The following XPO5 variants were observed in gnomAD, a reference collection of about 807,000 sequenced individuals.
XPO5 encodes the protein exportin-5.
A neutral mutation model predicts 160.6 loss-of-function variants in XPO5; 46 were observed. That is an observed-to-expected ratio of 0.29 (90% CI 0.23 to 0.37). The LOEUF is 0.37. Ranked by LOEUF, XPO5 falls within the 10% of genes least tolerant of loss-of-function variation. XPO5 has a pLI of 1.00. For synonymous variants in XPO5, 537 were observed against 519.3 expected (o/e 1.03, Z -0.46); for missense variants, 1,090 against 1,463.9 (o/e 0.74, Z 4.17).
intron 20 of XPO5, among the ~76,000 whole-genome samples, chr6:43,538,595 T>C (rs1208438590): frequency 6.6e-6 from 1 of 152,182 alleles, no homozygotes; most frequent in African/African-American, 2.4e-5. Flanking sequence ...ACAATGGAAA[T>C]GTGGTTATAT....
In XPO5 at chr6:43,549,920, G is replaced by A; in HGVS notation, c.1743C>T (p.Val581=). The A allele has an allele frequency of 1.2e-6, 2 of 1,612,242 alleles. No homozygotes were observed. The highest frequency in any genetic ancestry group is 1.3e-5 in the African/African-American group (1 of 75,018). Reference sequence around the variant, plus strand: ...TACTTTCTTCAACAGTTTCAAAAGTGACAGATGAAAATAGCTAAGGGAGAG... The same window carrying A: ...TACTTTCTTCAACAGTTTCAAAAGTAACAGATGAAAATAGCTAAGGGAGAG... ...PQVFSKLFSS[V]TFETVEESKA... Residue 581 remains valine (V), a synonymous_variant, in exon 16 of 32, where the codon GTC becomes GTT. Coordinates refer to ENST00000265351, the MANE Select transcript of XPO5 (RefSeq NM_020750.3).
intron 28 of XPO5, chr6:43,525,503 G>T: frequency 2.0e-6 from 1 of 498,296 alleles, no homozygotes; most frequent in East Asian, 3.4e-5. Flanking sequence ...CTATTTTTGT[G>T]TATTGCCAGT....
chr6:43,536,391 C>A (rs940238725), intron 20 of XPO5, among the ~76,000 whole-genome samples: 1 of 142,334 alleles, frequency 7.0e-6, no homozygotes, highest in Non-Finnish European at 1.5e-5. Flanking sequence ...CTCCAGCCTG[C>A]GCAACACAGT....
chr6:43,562,125 T>C, intron 9 of XPO5, 122 bp downstream of exon 9: 1 of 639,308 alleles, frequency 1.6e-6, no homozygotes, highest in Non-Finnish European at 2.7e-6. Context: ...TGCAATAACT[T>C]GTATGGCACT....
rs768175368 is a variant in XPO5, at chr6:43,561,038, T to C, written c.1012-31A>G. 4 of 1,554,778 alleles carry C rather than the reference T, an allele frequency of 2.6e-6. 1 individual carries two copies. The highest frequency in any genetic ancestry group is 1.1e-5 in the South Asian group (1 of 89,148). On this transcript the variant is annotated intron_variant, in intron 9 of 31. Coordinates refer to ENST00000265351, the MANE Select transcript of XPO5 (RefSeq NM_020750.3). ...GGAGAAGACCACTATATTAACGGTG[T>C]TGATCGAGAAAAGCAGGAGAGGAAA...
rs1793725106 is a variant in XPO5, at chr6:43,528,280, A to G, written c.2776-75T>C. ...ACACATAATATCTAAAGTCAAGTCCACTTCATGATTAAAATTAGCCAAGGA... is the reference window on the plus strand; with the variant it reads ...ACACATAATATCTAAAGTCAAGTCCGCTTCATGATTAAAATTAGCCAAGGA... On this transcript the variant is annotated intron_variant, in intron 24 of 31. Transcript: ENST00000265351. 7 of 1,441,776 alleles carry G rather than the reference A, an allele frequency of 4.9e-6. No individual in the cohort carries two copies. The South Asian group carries it at 7.4e-5, about 15-fold the overall frequency. 89.3% of individuals were successfully genotyped at this position (1,441,776 alleles called of 1,614,324 possible). A position where few individuals can be genotyped will look rare whatever the true frequency, so the allele number is the denominator to read the frequency against.
At chr6:43,572,659 T>G (rs1459342990) in intron 2 of XPO5, 81 bp from the exon 3 acceptor site, 2 of 1,347,936 alleles carry the variant, frequency 1.5e-6, no homozygotes, top group African/African-American at 1.5e-5. Flanking sequence ...ATTTCTACAT[T>G]TGATTACACT....
rs564515094 is a variant in XPO5 at position 43,523,585 on chromosome 6, C to G, written c.*283G>C. 1 of 614,200 alleles carries G rather than the reference C, an allele frequency of 1.6e-6. No individual in the cohort carries two copies. Among genetic ancestry groups the G allele is most frequent in the Non-Finnish European group, 3.1e-6 (1 of 320,108 alleles). 38.0% of individuals were successfully genotyped at this position (614,200 alleles called of 1,614,324 possible). A position where few individuals can be genotyped will look rare whatever the true frequency, so the allele number is the denominator to read the frequency against. ...GAGGGCTTGTGGGAGAAGGGCTGCT[C>G]TGCTCTAGCTTTTCTTGGAAAAGCC... is the stretch of plus-strand genomic sequence containing the variant. On this transcript the variant is annotated 3_prime_UTR_variant, in exon 32 of 32. Transcript: ENST00000265351.
chr6:43,553,139 A>G (rs547235205), intron 14 of XPO5, among the ~76,000 whole-genome samples: 11 of 152,102 alleles, frequency 7.2e-5, no homozygotes, highest in African/African-American at 2.2e-4. Context: ...CACAGACTCC[A>G]TTTTTATTAT....
chr6:43,524,316 C>T (rs1793398293), intron 31 of XPO5, among the ~76,000 whole-genome samples, 155 bp downstream of exon 31: 1 of 149,188 alleles, frequency 6.7e-6, no homozygotes, highest in Non-Finnish European at 1.5e-5. Flanking sequence ...CGTACCACTG[C>T]ACTCCAGCCT....
chr6:43,571,067 A>G (rs921307068), intron 3 of XPO5, 73 bp from the exon 4 acceptor site: 16 of 1,497,968 alleles, frequency 1.1e-5, no homozygotes, highest in Non-Finnish European at 1.3e-5. Flanking sequence ...GCTGGGCTGT[A>G]GAGTTGTAAA....
In XPO5 at chr6:43,522,460, A is replaced by G. The variant is rs144128030; in HGVS notation, c.*1408T>C. The G allele has an allele frequency of 1.9e-3, 318 of 164,278 alleles. 2 individuals are homozygous for G. Among genetic ancestry groups the G allele is most frequent in the African/African-American group, 6.8e-3 (285 of 42,096 alleles). The allele number at this position is 164,278 out of a possible 1,614,324, so 10.2% of individuals were successfully genotyped here. On this transcript the variant is annotated 3_prime_UTR_variant, in exon 32 of 32. Transcript: ENST00000265351. ...GTCACAGGATGTTAAAAATATTACAATGCAATAAATACAACTACATCCTCC... is the reference window on the plus strand; with the variant it reads ...GTCACAGGATGTTAAAAATATTACAGTGCAATAAATACAACTACATCCTCC...
At position 43,575,876 on chromosome 6, in the gene XPO5, C is replaced by A. The variant is rs373023684; in HGVS notation, c.-12G>T. On this transcript the variant is annotated 5_prime_UTR_variant, in exon 1 of 32. Coordinates refer to ENST00000265351, the MANE Select transcript of XPO5 (RefSeq NM_020750.3). ...TGATCCATCGCCATGCCTAGCGCCA[C>A]GCGCCGAGAGCGCACACCACTGCAG... The A allele has an allele frequency of 6.2e-7, 1 of 1,613,038 alleles. No homozygotes were observed. The highest frequency in any genetic ancestry group is 8.5e-7 in the Non-Finnish European group (1 of 1,179,490).
chr6:43,573,539 C>A lies in XPO5; in HGVS notation c.168G>T (p.Glu56Asp), dbSNP rs780602356. 2 of 1,613,828 alleles carry A rather than the reference C, an allele frequency of 1.2e-6. No individual in the cohort carries two copies. The highest frequency in any genetic ancestry group is 2.2e-5 in the South Asian group (2 of 91,078). Reference sequence around the variant, plus strand: ...GTCTGACGATGGCAACTTGTGTTTTCTCAGCCAACCTCAAGCCACAGGGGA... The same window carrying A: ...GTCTGACGATGGCAACTTGTGTTTTATCAGCCAACCTCAAGCCACAGGGGA... ...ICVPCGLRLA[E>D]KTQVAIVRHF... Residue 56 changes from glutamate to aspartate, a missense_variant, in exon 2 of 32, where the codon GAG becomes GAT. Glu to Asp is a conservative substitution (Grantham distance 45). Around this residue, in one of 3 missense-constraint regions of XPO5, gnomAD observed 170 missense variants for 227.0 expected, o/e 0.75. Coordinates refer to ENST00000265351, the MANE Select transcript of XPO5 (RefSeq NM_020750.3).
intron 12 of XPO5, among the ~76,000 whole-genome samples, 181 bp downstream of exon 12, chr6:43,558,320 A>C (rs1482419363): frequency 6.6e-6 from 1 of 152,120 alleles, no homozygotes; most frequent in Non-Finnish European, 1.5e-5. Flanking sequence ...GTAAAACAAA[A>C]TATTATGCCT....
intron 26 of XPO5, chr6:43,527,185 T>C (rs543192658): frequency 1.2e-4 from 25 of 210,998 alleles, no homozygotes; most frequent in Non-Finnish European, 8.8e-5. Flanking sequence ...CATATTCAGC[T>C]TGCAATTCAT....
intron 8 of XPO5, among the ~76,000 whole-genome samples, chr6:43,562,651 C>T (rs78263551): frequency 0.018 from 2,802 of 152,202 alleles, 35 homozygotes; most frequent in South Asian, 0.039. Context: ...TTGGGGTAAA[C>T]GAGGCCTAGG....
chr6:43,553,341 T>A (rs766414044), intron 14 of XPO5, 32 bp downstream of exon 14: 1 of 1,590,178 alleles, frequency 6.3e-7, no homozygotes, highest in Non-Finnish European at 8.6e-7. Flanking sequence ...GTCAAAATAA[T>A]CATGCAGTCA....
intron 13 of XPO5, 131 bp downstream of exon 13, chr6:43,555,705 G>C (rs1408378256): frequency 1.8e-6 from 2 of 1,140,402 alleles, no homozygotes; most frequent in Non-Finnish European, 2.3e-6. Flanking sequence ...CCCTCTCCAG[G>C]ATGAGCAAAG....
Sources: gnomAD v4.1 joint callset for allele counts (sites outside exome capture counted in the v4.1 genomes callset) on GRCh38, gnomAD v4.1.1 for gene constraint, gnomAD v4.1.1 regional missense constraint, MANE v1.5 for transcripts, NCBI Gene and HGNC (gene_info 2026-07-23, HGNC 2026-07-21) for gene names.